The following NTM variants were observed in gnomAD, a reference collection of about 807,000 sequenced individuals.
NTM encodes the protein neurotrimin, also known as IgLON family member 2.
A neutral mutation model predicts 42.1 loss-of-function variants in NTM; 13 were observed. That is an observed-to-expected ratio of 0.31 (90% CI 0.20 to 0.49). The LOEUF (loss-of-function observed/expected upper bound fraction) is 0.49, where lower values mean the gene tolerates loss of function less well. NTM is among the 20% of genes least tolerant of loss of function. The pLI is 0.99. For missense variants in NTM, 373 were observed against 452.8 expected, an observed-to-expected ratio of 0.82 and a Z score of 1.60; for synonymous variants, 187 against 179.2, an observed-to-expected ratio of 1.04 and a Z score of -0.35.
rs79105485 is a variant in NTM at position 131,667,189 on chromosome 11, C to T, written c.83-244375C>T. ...TCTTTTTCCCTTAAAGAGGAGGACC[C>T]CAATTCTGGGCAGAATCTACAAAGC... On this transcript the variant is annotated intron_variant, in intron 1 of 8. Transcript: ENST00000683400. Among the ~76,000 whole-genome samples, 1,473 of 152,232 alleles carry T rather than the reference C, an allele frequency of 9.7e-3. 15 individuals are homozygous for T. Among genetic ancestry groups the T allele is most frequent in the African/African-American group, 0.034 (1,397 of 41,548 alleles).
intron 3 of NTM, among the ~76,000 whole-genome samples, chr11:132,184,060 G>A (rs752791843): frequency 1.7e-4 from 26 of 152,154 alleles, no homozygotes; most frequent in Non-Finnish European, 2.9e-4. Flanking sequence ...AACTGGAAAC[G>A]ATGAAAGTGG....
At chr11:132,173,993 ACT>A (rs1477093215) in intron 3 of NTM, among the ~76,000 whole-genome samples, 1 of 151,838 alleles carries the variant, frequency 6.6e-6, no homozygotes, top group Non-Finnish European at 1.5e-5. Flanking sequence ...AGTGTGTCCT[ACT>A]CTCTTTAGGC....
rs1268953709 is a variant in NTM at position 131,370,790 on chromosome 11, G to A, written c.-17G>A. 4 of 1,606,224 alleles carry A rather than the reference G, an allele frequency of 2.5e-6. No homozygotes were observed. The highest frequency in any genetic ancestry group is 1.7e-5 in the Admixed American group (1 of 58,916). The stretch of plus-strand genomic sequence containing the variant: ...CGAACCTGACAAAAAAGAAGAAAAA[G>A]AAGAAGAAAAAAAATCATGAAAACC... On this transcript the variant is annotated 5_prime_UTR_variant, in exon 1 of 9. Coordinates refer to ENST00000683400, the MANE Select transcript of NTM (RefSeq NM_001352005.2).
chr11:131,783,708 T>C (rs561857124), intron 1 of NTM, among the ~76,000 whole-genome samples: 12 of 151,764 alleles, frequency 7.9e-5, no homozygotes, highest in African/African-American at 2.2e-4. Context: ...TACGAGAAAA[T>C]ATGTGTTGGC....
At chr11:131,853,043 A>T (rs1222662152) in intron 1 of NTM, among the ~76,000 whole-genome samples, 1 of 151,902 alleles carries the variant, frequency 6.6e-6, no homozygotes, top group African/African-American at 2.4e-5. Context: ...CCACCCATCC[A>T]TCCATGCATC....
chr11:132,039,936 T>C (rs1475664911), intron 2 of NTM, among the ~76,000 whole-genome samples: 3 of 152,140 alleles, frequency 2.0e-5, no homozygotes, highest in Non-Finnish European at 4.4e-5. Context: ...TATTACTTTT[T>C]TTTTTGGAGA....
rs2056546059 is a variant in NTM, at chr11:132,066,670, T to C, written c.168-79612T>C. Among the ~76,000 whole-genome samples, 3 of 152,174 alleles carry C rather than the reference T, an allele frequency of 2.0e-5. No homozygotes were observed. In the South Asian group the frequency reaches 6.2e-4, roughly 31 times the overall value. ...TCCGGTATTCTTTGGATTGATACATTATCTCATTCTTCAAGGCCAACATTT... is the reference window on the plus strand; with the variant it reads ...TCCGGTATTCTTTGGATTGATACATCATCTCATTCTTCAAGGCCAACATTT... On this transcript the variant is annotated intron_variant, in intron 2 of 8. Transcript: ENST00000683400.
At chr11:132,051,856 G>T (rs535831873) in intron 2 of NTM, among the ~76,000 whole-genome samples, 2 of 152,312 alleles carry the variant, frequency 1.3e-5, no homozygotes, top group East Asian at 3.9e-4. Flanking sequence ...CATCAAAGCT[G>T]GTTGCTTATT....
chr11:132,191,394 C>A lies in NTM; in HGVS notation c.401-20628C>A, dbSNP rs541140281. On this transcript the variant is annotated intron_variant, in intron 3 of 8. Coordinates refer to ENST00000683400, the MANE Select transcript of NTM (RefSeq NM_001352005.2). Reference sequence around the variant, plus strand: ...AAGTTCCAGCCCAACAGGGTTAGAGCACACTGCCCAGGAGTGATCAGCTGA... The same window carrying A: ...AAGTTCCAGCCCAACAGGGTTAGAGAACACTGCCCAGGAGTGATCAGCTGA... Among the ~76,000 whole-genome samples the A allele has an allele frequency of 7.2e-5, 11 of 152,360 alleles. No homozygotes were observed. In the South Asian group the frequency reaches 8.3e-4, roughly 11 times the overall value.
intron 2 of NTM, among the ~76,000 whole-genome samples, chr11:132,053,416 T>G (rs557754027): frequency 1.3e-5 from 2 of 152,292 alleles, no homozygotes; most frequent in East Asian, 3.9e-4. Context: ...TCACAGCTGC[T>G]CTTCTTACCT....
chr11:131,791,605 A>G (rs1230086885), intron 1 of NTM, among the ~76,000 whole-genome samples: 2 of 152,186 alleles, frequency 1.3e-5, no homozygotes, highest in Non-Finnish European at 2.9e-5. Flanking sequence ...GACAGCTATG[A>G]CCCTGACTTC....
At chr11:131,649,198 T>A (rs2066152656) in intron 1 of NTM, among the ~76,000 whole-genome samples, 1 of 152,350 alleles carries the variant, frequency 6.6e-6, no homozygotes, top group Non-Finnish European at 1.5e-5. Context: ...TAAGCAATAA[T>A]GATAGTAATT....
At position 132,002,508 on chromosome 11, in the gene NTM, A is replaced by G. The variant is rs2069534372; in HGVS notation, c.167+90860A>G. Among the ~76,000 whole-genome samples, 1 of 152,150 alleles carries G rather than the reference A, an allele frequency of 6.6e-6. No homozygotes were observed. The highest frequency in any genetic ancestry group is 2.4e-5 in the African/African-American group (1 of 41,420). ...TTCATCATAAGCAAATACAATTACT[A>G]CTCTGCAAATACTATGTAGAAGAAT... is the stretch of plus-strand genomic sequence containing the variant. On this transcript the variant is annotated intron_variant, in intron 2 of 8. Transcript: ENST00000683400. The surrounding 1 kb of genome is among the most constrained non-coding windows in gnomAD (Gnocchi z 4.5).
intron 1 of NTM, among the ~76,000 whole-genome samples, chr11:131,894,517 T>C (rs1315530254): frequency 6.6e-6 from 1 of 152,164 alleles, no homozygotes; most frequent in Non-Finnish European, 1.5e-5. Flanking sequence ...GAGGCAGTTC[T>C]ATTGAAACCC....
At chr11:131,722,606 A>G (rs1418602549) in intron 1 of NTM, among the ~76,000 whole-genome samples, 1 of 152,160 alleles carries the variant, frequency 6.6e-6, no homozygotes, top group Non-Finnish European at 1.5e-5. Flanking sequence ...CTGCTTTCTG[A>G]TAGATCCTGT....
chr11:131,675,075 C>T (rs2071137687), intron 1 of NTM, among the ~76,000 whole-genome samples: 2 of 152,218 alleles, frequency 1.3e-5, no homozygotes, highest in Admixed American at 1.3e-4. Flanking sequence ...TAGCACCCAT[C>T]TTCCTGATCC....
At chr11:131,463,930 C>T (rs1163617353) in intron 1 of NTM, among the ~76,000 whole-genome samples, 3 of 152,230 alleles carry the variant, frequency 2.0e-5, no homozygotes, top group Admixed American at 2.0e-4. Flanking sequence ...CACCAGGTTT[C>T]TGATGAATGT....
intron 7 of NTM, among the ~76,000 whole-genome samples, chr11:132,327,489 A>C (rs1044397992): frequency 1.3e-5 from 2 of 152,212 alleles, no homozygotes; most frequent in Non-Finnish European, 2.9e-5. Flanking sequence ...GTGGTTAAGC[A>C]TTTCTATGGT....
rs539734012 is a variant in NTM at position 132,065,058 on chromosome 11, G to A, written c.168-81224G>A. 2.7e-4 allele frequency among the ~76,000 whole-genome samples: 41 copies of A among 152,324 alleles called. 1 individual carries two copies. In the South Asian group the frequency reaches 3.7e-3, roughly 14 times the overall value. On this transcript the variant is annotated intron_variant, in intron 2 of 8. Coordinates refer to ENST00000683400, the MANE Select transcript of NTM (RefSeq NM_001352005.2). ...GTTAGGGGAATGGCACATTCCACTG[G>A]TTTGTCTGTGCACAGGAGTGCAGGG...
Sources: gnomAD v4.1 joint callset for allele counts (sites outside exome capture counted in the v4.1 genomes callset) on GRCh38, gnomAD v4.1.1 for gene constraint, Gnocchi (gnomAD v3.1) non-coding constraint, MANE v1.5 for transcripts, NCBI Gene and HGNC (gene_info 2026-07-23, HGNC 2026-07-21) for gene names.